KCND2: variants seen among roughly 807,000 people sequenced by gnomAD.
KCND2 encodes the protein potassium voltage-gated channel subfamily D member 2.
A neutral mutation model predicts 54.4 loss-of-function variants in KCND2; 16 were observed. The observed-to-expected ratio is 0.29, with a 90% CI of 0.20 to 0.45. The LOEUF (loss-of-function observed/expected upper bound fraction) is 0.45, where lower values mean the gene tolerates loss of function less well. Among genes scored for constraint, KCND2 ranks in the 20% least tolerant of loss-of-function variants. KCND2 has a pLI of 1.00. For synonymous variants in KCND2, 317 were observed against 310.7 expected (o/e 1.02, Z -0.21); for missense variants, 486 against 824.2 (o/e 0.59, Z 5.02).
Position 120,524,062 on chromosome 7 carries a change from C to G in KCND2, c.1116-208841C>G, listed in dbSNP as rs553395293. Reference sequence around the variant, plus strand: ...ACCGGACTGTGCAACATGGTGAAACCCCATCTCTCCTAATATACAAAAATT... The same window carrying G: ...ACCGGACTGTGCAACATGGTGAAACGCCATCTCTCCTAATATACAAAAATT... On this transcript the variant is annotated intron_variant, in intron 1 of 5. Coordinates refer to ENST00000331113, the MANE Select transcript of KCND2 (RefSeq NM_012281.3). Among the ~76,000 whole-genome samples, 10 of 151,538 alleles carry G rather than the reference C, an allele frequency of 6.6e-5. No homozygotes were observed. In the East Asian group the frequency reaches 1.9e-3, roughly 29 times the overall value.
intron 1 of KCND2, among the ~76,000 whole-genome samples, chr7:120,415,610 T>G (rs1219035364): frequency 1.3e-5 from 2 of 152,206 alleles, no homozygotes; most frequent in African/African-American, 4.8e-5. Flanking sequence ...TGTTGAATGT[T>G]GGGATCTTCT....
intron 1 of KCND2, among the ~76,000 whole-genome samples, chr7:120,338,923 A>G (rs1288977137): frequency 6.6e-6 from 1 of 151,934 alleles, no homozygotes; most frequent in African/African-American, 2.4e-5. Context: ...TCTGGTGCCC[A>G]GGCTGGAGTG....
chr7:120,697,627 G>A (rs1792347827), intron 1 of KCND2, among the ~76,000 whole-genome samples: 1 of 152,152 alleles, frequency 6.6e-6, no homozygotes, highest in Admixed American at 6.6e-5. Context: ...CAAAAATGTA[G>A]GGAAGCAGTA....
At chr7:120,283,416 C>T (rs1799294262) in intron 1 of KCND2, among the ~76,000 whole-genome samples, 1 of 152,124 alleles carries the variant, frequency 6.6e-6, no homozygotes, top group Admixed American at 6.5e-5. Context: ...ACATTTAAAA[C>T]ATTTTTAAAT....
At chr7:120,620,373 A>G (rs922324959) in intron 1 of KCND2, among the ~76,000 whole-genome samples, 1 of 152,190 alleles carries the variant, frequency 6.6e-6, no homozygotes, top group Non-Finnish European at 1.5e-5. Flanking sequence ...TATCTTGTTC[A>G]CTGCTATATC....
intron 1 of KCND2, among the ~76,000 whole-genome samples, chr7:120,715,231 T>G (rs1792588403): frequency 6.6e-6 from 1 of 152,108 alleles, no homozygotes; most frequent in African/African-American, 2.4e-5. Flanking sequence ...ATTTTTCTTT[T>G]TCTTTTTAGA....
At chr7:120,507,416 C>T (rs1584806189) in intron 1 of KCND2, among the ~76,000 whole-genome samples, 1 of 151,876 alleles carries the variant, frequency 6.6e-6, no homozygotes. Context: ...CTTATGGCTA[C>T]ATGGGTAAAG....
chr7:120,718,481 A>G (rs959710981), intron 1 of KCND2, among the ~76,000 whole-genome samples: 1 of 152,142 alleles, frequency 6.6e-6, no homozygotes, highest in African/African-American at 2.4e-5. Context: ...GTCCCTCCAT[A>G]AGGTTTTATT....
At chr7:120,624,110 T>C (rs180810454) in intron 1 of KCND2, among the ~76,000 whole-genome samples, 9 of 152,268 alleles carry the variant, frequency 5.9e-5, no homozygotes, top group Middle Eastern at 3.4e-3. Context: ...GAAAGATGTA[T>C]GGTTCAAAAA....
At chr7:120,303,435 C>T (rs907530175) in intron 1 of KCND2, among the ~76,000 whole-genome samples, 3 of 152,126 alleles carry the variant, frequency 2.0e-5, no homozygotes, top group Admixed American at 2.0e-4. Context: ...AAGATAAAAT[C>T]ATTAAATACC....
intron 1 of KCND2, among the ~76,000 whole-genome samples, chr7:120,480,101 GT>G (rs1484440009): frequency 6.6e-6 from 1 of 151,168 alleles, no homozygotes; most frequent in Admixed American, 6.6e-5. Context: ...ATTTTCAACA[GT>G]TTTTTTATGG....
intron 1 of KCND2, among the ~76,000 whole-genome samples, chr7:120,621,144 G>A (rs1015099372): frequency 2.6e-5 from 4 of 151,460 alleles, no homozygotes; most frequent in Non-Finnish European, 5.9e-5. Context: ...ATGGTGACAC[G>A]CACCTGTGGT....
At chr7:120,639,150 T>C (rs1380125568) in intron 1 of KCND2, among the ~76,000 whole-genome samples, 2 of 152,148 alleles carry the variant, frequency 1.3e-5, no homozygotes, top group East Asian at 3.8e-4. Context: ...CTGCAACATC[T>C]TTGATGGCAT....
intron 1 of KCND2, among the ~76,000 whole-genome samples, chr7:120,417,664 C>G (rs1407053403): frequency 2.6e-5 from 4 of 152,100 alleles, no homozygotes; most frequent in Non-Finnish European, 5.9e-5. Flanking sequence ...AGTTTGGTCC[C>G]CGAGGCAGGA....
At chr7:120,722,041 T>G (rs1792672960) in intron 1 of KCND2, among the ~76,000 whole-genome samples, 1 of 152,180 alleles carries the variant, frequency 6.6e-6, no homozygotes, top group Non-Finnish European at 1.5e-5. Context: ...CCTCCATGAT[T>G]GTGAGTCTTC....
intron 1 of KCND2, among the ~76,000 whole-genome samples, chr7:120,352,136 C>G (rs1800417841): frequency 6.6e-6 from 1 of 151,962 alleles, no homozygotes; most frequent in South Asian, 2.1e-4. Context: ...TGGGGTTTCA[C>G]CATGTTGGCC....
intron 1 of KCND2, among the ~76,000 whole-genome samples, chr7:120,728,744 T>C (rs1352550486): frequency 6.6e-6 from 1 of 152,036 alleles, no homozygotes; most frequent in South Asian, 2.1e-4. Context: ...TTTTGGGAAA[T>C]GATTTTTCAA....
At chr7:120,563,828 A>G (rs1250470885) in intron 1 of KCND2, among the ~76,000 whole-genome samples, 1 of 152,114 alleles carries the variant, frequency 6.6e-6, no homozygotes, top group Non-Finnish European at 1.5e-5. Context: ...CCAGATAGAT[A>G]TCTTCTATAC....
intron 1 of KCND2, among the ~76,000 whole-genome samples, chr7:120,380,139 T>G (rs867063635): frequency 6.6e-6 from 1 of 152,048 alleles, no homozygotes; most frequent in African/African-American, 2.4e-5. Context: ...ATTAGATAAC[T>G]TTCAGAAACA....
Sources: allele counts gnomAD v4.1 joint callset (sites outside exome capture counted in the v4.1 genomes callset), GRCh38; gene constraint gnomAD v4.1.1; transcripts MANE v1.5; gene names NCBI Gene and HGNC (gene_info 2026-07-23, HGNC 2026-07-21).